Variants in SLC45A1 observed in about 807,000 individuals in gnomAD.
SLC45A1 encodes proton-associated sugar transporter A.
Under a neutral mutation model 57.6 loss-of-function variants are expected in SLC45A1, and 28 were observed. That is an observed-to-expected ratio of 0.49 (90% CI 0.36 to 0.67). The LOEUF (loss-of-function observed/expected upper bound fraction) is 0.67, where lower values mean the gene tolerates loss of function less well. SLC45A1 is among the 30% of genes least tolerant of loss of function. The probability of loss-of-function intolerance (pLI) is 0.00; values close to 1 mark genes in which losing one functional copy is unlikely to be tolerated. For synonymous variants in SLC45A1, 459 were observed against 471.5 expected, an observed-to-expected ratio of 0.97 and a Z score of 0.34; for missense variants, 814 against 1,041.5, an observed-to-expected ratio of 0.78 and a Z score of 3.01.
In SLC45A1 at chr1:8,337,824, T is replaced by C; in HGVS notation, c.1606T>C (p.Ser536Pro). The C allele has an allele frequency of 6.2e-7, 1 of 1,613,396 alleles. No homozygotes were observed. The highest frequency in any genetic ancestry group is 8.5e-7 in the Non-Finnish European group (1 of 1,179,764). Residue 536 changes from serine to proline, a missense_variant, in exon 7 of 9, where the codon TCA becomes CCA. Physicochemically the swap from Ser to Pro is moderately conservative, Grantham distance 74. Coordinates refer to ENST00000471889, the MANE Select transcript of SLC45A1 (RefSeq NM_001080397.3). Reference sequence around the variant, plus strand: ...CTCTTTCTTTCTTCCAGGGTGGCTCTCATTCGAGGGGATGTTGCTCTTCTA... The same window carrying C: ...CTCTTTCTTTCTTCCAGGGTGGCTCCCATTCGAGGGGATGTTGCTCTTCTA... ...LCVNHFLGWLSFEGMLLFYTD... is the reference protein window; with the variant it reads ...LCVNHFLGWLPFEGMLLFYTD...
rs539789764 is a variant in SLC45A1 at position 8,335,865 on chromosome 1, C to T, written c.1597+275C>T. ...CCCGACACCTGGGTCCCCACAGAGCCAAAATTCTCACTACCAGAAGCCCTT... is the reference window on the plus strand; with the variant it reads ...CCCGACACCTGGGTCCCCACAGAGCTAAAATTCTCACTACCAGAAGCCCTT... On this transcript the variant is annotated intron_variant, in intron 6 of 8. Transcript: ENST00000471889. This position sits in a 1 kb window ranked among gnomAD's most constrained non-coding sequence, Gnocchi z 4.1. 6.6e-6 allele frequency among the ~76,000 whole-genome samples: 1 copy of T among 152,284 alleles called. No individual in the cohort carries two copies. The highest frequency in any genetic ancestry group is 2.4e-5 in the African/African-American group (1 of 41,570).
chr1:8,341,490 G>A (rs1301799821), intron 8 of SLC45A1, among the ~76,000 whole-genome samples: 10 of 146,500 alleles, frequency 6.8e-5, no homozygotes, highest in Admixed American at 2.1e-4. Context: ...AGCCAAGATC[G>A]CACCACTGCA....
Position 8,325,344 on chromosome 1 carries a change from C to T in SLC45A1, c.444C>T (p.Thr148=), listed in dbSNP as rs1460331534. The change falls in exon 3 of 9, where the codon ACC becomes ACT. Residue 148 remains threonine (T), a synonymous_variant. Coordinates refer to ENST00000471889, the MANE Select transcript of SLC45A1 (RefSeq NM_001080397.3). This position sits in a 1 kb window ranked among gnomAD's most constrained non-coding sequence, Gnocchi z 6.3. Reference sequence around the variant, plus strand: ...TGGGTGCTTGGAGTGACCGGTGTACCTCAAGGTTTGGAAGGAGACGCCCTT... The same window carrying T: ...TGGGTGCTTGGAGTGACCGGTGTACTTCAAGGTTTGGAAGGAGACGCCCTT... ...PLLGAWSDRC[T]SRFGRRRPFI... 1 of 1,613,702 alleles carries T rather than the reference C, an allele frequency of 6.2e-7. No homozygotes were observed. The highest frequency in any genetic ancestry group is 2.2e-5 in the East Asian group (1 of 44,858).
rs1640900177 is a variant in SLC45A1 at position 8,343,671 on chromosome 1, C to T, written c.1981-76C>T. 4 of 1,530,074 alleles carry T rather than the reference C, an allele frequency of 2.6e-6. No individual in the cohort carries two copies. Among genetic ancestry groups the T allele is most frequent in the African/African-American group, 1.4e-5 (1 of 73,526 alleles). 94.8% of individuals were successfully genotyped at this position (1,530,074 alleles called of 1,614,324 possible). A position where few individuals can be genotyped will look rare whatever the true frequency, so the allele number is the denominator to read the frequency against. On this transcript the variant is annotated intron_variant, in intron 8 of 8. Coordinates refer to ENST00000471889, the MANE Select transcript of SLC45A1 (RefSeq NM_001080397.3). This position sits in a 1 kb window ranked among gnomAD's most constrained non-coding sequence, Gnocchi z 7.7. ...GTGGGCCGCTCGGGCCTCCTGGGCTCGCAGGACACACCGAGCTCGGTCACC... is the reference window on the plus strand; with the variant it reads ...GTGGGCCGCTCGGGCCTCCTGGGCTTGCAGGACACACCGAGCTCGGTCACC...
chr1:8,333,275 T>C (rs1640476652), intron 5 of SLC45A1, among the ~76,000 whole-genome samples: 2 of 151,944 alleles, frequency 1.3e-5, no homozygotes, highest in Non-Finnish European at 2.9e-5. Flanking sequence ...TCTTTTTTGA[T>C]TATTTTGTCT....
chr1:8,331,654 A>G (rs971358149), intron 5 of SLC45A1, among the ~76,000 whole-genome samples: 6 of 152,112 alleles, frequency 3.9e-5, no homozygotes, highest in Non-Finnish European at 8.8e-5. Flanking sequence ...AAAAGAAAAG[A>G]CAAGCCTCAG....
intron 1 of SLC45A1, among the ~76,000 whole-genome samples, chr1:8,321,475 C>T (rs1036998693): frequency 6.6e-6 from 1 of 152,150 alleles, no homozygotes; most frequent in African/African-American, 2.4e-5. Flanking sequence ...CACCCCACCC[C>T]CACTGTGCCC....
intron 5 of SLC45A1, among the ~76,000 whole-genome samples, chr1:8,333,455 A>T (rs1460017226): frequency 1.3e-5 from 2 of 151,036 alleles, no homozygotes; most frequent in African/African-American, 4.9e-5. Context: ...TTTTGTTTTG[A>T]TACAGGGTCT....
In SLC45A1 at chr1:8,330,454, G is replaced by A. The variant is rs1237278201; in HGVS notation, c.961G>A (p.Gly321Ser). 1 of 1,611,916 alleles carries A rather than the reference G, an allele frequency of 6.2e-7. No homozygotes were observed. Among genetic ancestry groups the A allele is most frequent in the South Asian group, 1.1e-5 (1 of 91,026 alleles). ...GTCCCCACCCGTCCTGCCAGAGGAA[G>A]GCCCTGGCGACAGCCTCCCGTCGCA... Reference protein sequence around the residue: ...PPSPPVLPEEGPGDSLPSHTA... With the variant: ...PPSPPVLPEESPGDSLPSHTA... The change falls in exon 5 of 9, where the codon GGC becomes AGC. Residue 321 changes from glycine to serine, a missense_variant. By Grantham distance (56) the Gly-to-Ser change is moderately conservative. Transcript: ENST00000471889. The surrounding 1 kb of genome is among the most constrained non-coding windows in gnomAD (Gnocchi z 8.4).
chr1:8,333,817 C>G (rs1425032513), intron 5 of SLC45A1, among the ~76,000 whole-genome samples: 1 of 152,190 alleles, frequency 6.6e-6, no homozygotes, highest in Non-Finnish European at 1.5e-5. Context: ...TTCACGCCTG[C>G]GTACCGTCTC....
intron 7 of SLC45A1, among the ~76,000 whole-genome samples, chr1:8,339,041 C>T (rs1640716249): frequency 6.6e-6 from 1 of 152,170 alleles, no homozygotes; most frequent in Admixed American, 6.5e-5. Context: ...TTCTAGGGAG[C>T]CCCGTCGCTG....
intron 8 of SLC45A1, among the ~76,000 whole-genome samples, chr1:8,342,674 A>G (rs1640863961): frequency 6.6e-6 from 1 of 152,134 alleles, no homozygotes; most frequent in Admixed American, 6.5e-5. Context: ...AAATCTTAAA[A>G]TGCTGCATTG....
chr1:8,330,337 G>A lies in SLC45A1; in HGVS notation c.844G>A (p.Val282Ile), dbSNP rs762902307. Residue 282 changes from valine (V) to isoleucine (I), a missense_variant, in exon 5 of 9, where the codon GTC becomes ATC. Val to Ile is a conservative substitution (Grantham distance 29, BLOSUM62 3). Transcript: ENST00000471889. The surrounding 1 kb of genome is among the most constrained non-coding windows in gnomAD (Gnocchi z 8.4). ...TGCGGTCACCCTGAGCGTCACCACC[G>A]TCCTGACCCTGGTCAGCATCCCTGA... is the stretch of plus-strand genomic sequence containing the variant. ...FTAVTLSVTT[V>I]LTLVSIPERP... 1.4e-5 allele frequency: 22 copies of A among 1,613,328 alleles called. No individual in the cohort carries two copies. The highest frequency in any genetic ancestry group is 1.6e-4 in the Middle Eastern group (1 of 6,084).
At position 8,325,214 on chromosome 1, in the gene SLC45A1, G is replaced by A. The variant is rs1283191636; in HGVS notation, c.398-84G>A. 6.3e-5 allele frequency: 52 copies of A among 824,744 alleles called. No individual in the cohort carries two copies. The highest frequency in any genetic ancestry group is 8.3e-5 in the Non-Finnish European group (40 of 482,758). 51.1% of individuals were successfully genotyped at this position (824,744 alleles called of 1,614,324 possible). A position where few individuals can be genotyped will look rare whatever the true frequency, so the allele number is the denominator to read the frequency against. On this transcript the variant is annotated intron_variant, in intron 2 of 8. Transcript: ENST00000471889. The surrounding 1 kb of genome is among the most constrained non-coding windows in gnomAD (Gnocchi z 6.3). The stretch of plus-strand genomic sequence containing the variant: ...ATGCACTGGGGGTGTTTGAGAGCAG[G>A]CACTTCAGGAATGTGGAGGCTGATT...
Position 8,325,979 on chromosome 1 carries a change from A to G in SLC45A1, c.652A>G (p.Met218Val), listed in dbSNP as rs1424759479. Reference sequence around the variant, plus strand: ...GGCGGACAACCCCAGCCACGCCTACATGATGGACGTGTGCAGCCCCGCAGA... The same window carrying G: ...GGCGGACAACCCCAGCCACGCCTACGTGATGGACGTGTGCAGCCCCGCAGA... ...DSADNPSHAYMMDVCSPADQD... is the reference protein window; with the variant it reads ...DSADNPSHAYVMDVCSPADQD... The change falls in exon 4 of 9, where the codon ATG becomes GTG. Residue 218 changes from methionine (M) to valine (V), a missense_variant. Met to Val is a conservative substitution (Grantham distance 21). Transcript: ENST00000471889. The surrounding 1 kb of genome is among the most constrained non-coding windows in gnomAD (Gnocchi z 6.3). 1.2e-6 allele frequency: 2 copies of G among 1,612,192 alleles called. No homozygotes were observed. The highest frequency in any genetic ancestry group is 1.7e-6 in the Non-Finnish European group (2 of 1,180,024).
chr1:8,342,310 T>C (rs999398126), intron 8 of SLC45A1, among the ~76,000 whole-genome samples: 8 of 152,232 alleles, frequency 5.3e-5, no homozygotes, highest in African/African-American at 1.9e-4. Flanking sequence ...CATCTAACAG[T>C]GTGTGATGTG....
chr1:8,341,583 AC>A (rs888529239), intron 8 of SLC45A1, among the ~76,000 whole-genome samples: 4 of 150,530 alleles, frequency 2.7e-5, no homozygotes, highest in African/African-American at 9.7e-5. Flanking sequence ...AGGATCAGTA[AC>A]AGTGCTGAGC....
Position 8,343,792 on chromosome 1 carries a change from G to A in SLC45A1, c.2026G>A (p.Asp676Asn), listed in dbSNP as rs777259357. Residue 676 changes from aspartate to asparagine, a missense_variant, in exon 9 of 9, where the codon GAC becomes AAC. Asp to Asn is a conservative substitution (Grantham distance 23, BLOSUM62 1). Coordinates refer to ENST00000471889, the MANE Select transcript of SLC45A1 (RefSeq NM_001080397.3). This position sits in a 1 kb window ranked among gnomAD's most constrained non-coding sequence, Gnocchi z 7.7. ...ADGTRRGMGV[D>N]ISLLSCQYFL... Reference sequence around the variant, plus strand: ...CGGCACCCGGCGGGGCATGGGCGTGGACATCTCTCTGCTGAGCTGCCAGTA... The same window carrying A: ...CGGCACCCGGCGGGGCATGGGCGTGAACATCTCTCTGCTGAGCTGCCAGTA... The A allele has an allele frequency of 6.2e-7, 1 of 1,614,106 alleles. No individual in the cohort carries two copies. Among genetic ancestry groups the A allele is most frequent in the Non-Finnish European group, 8.5e-7 (1 of 1,179,998 alleles).
intron 1 of SLC45A1, 70 bp from the exon 2 acceptor site, chr1:8,324,236 G>T: frequency 2.9e-6 from 4 of 1,370,958 alleles, no homozygotes; most frequent in Non-Finnish European, 3.0e-6. Context: ...TCTGCAGTGT[G>T]AACTCAAATG....
Sources: allele counts gnomAD v4.1 joint callset (sites outside exome capture counted in the v4.1 genomes callset), GRCh38; gene constraint gnomAD v4.1.1; non-coding constraint Gnocchi (gnomAD v3.1); transcripts MANE v1.5; gene names NCBI Gene and HGNC (gene_info 2026-07-23, HGNC 2026-07-21).